Variants in CNTRL observed in about 807,000 individuals in gnomAD.
The protein encoded by CNTRL is 110 kDa centrosomal protein.
Under a neutral mutation model 303.7 loss-of-function variants are expected in CNTRL, and 233 were observed. The ratio of observed to expected loss-of-function variants is 0.77; its 90% CI spans 0.69 to 0.86. The LOEUF is 0.86. Among genes scored for constraint, CNTRL ranks in the 40% least tolerant of loss-of-function variants. The probability of loss-of-function intolerance (pLI) is 0.00; values close to 1 mark genes in which losing one functional copy is unlikely to be tolerated. For synonymous variants in CNTRL, 900 were observed against 922.2 expected (o/e 0.98, Z 0.44); for missense variants, 2,524 against 2,650.6 (o/e 0.95, Z 1.05).
At chr9:121,104,467 A>G (rs2049353118) in intron 7 of CNTRL, among the ~76,000 whole-genome samples, 1 of 152,246 alleles carries the variant, frequency 6.6e-6, no homozygotes, top group African/African-American at 2.4e-5. Flanking sequence ...TGGCACGTGT[A>G]TACATATGTA....
At chr9:121,140,363 T>C (rs1178881891) in intron 16 of CNTRL, among the ~76,000 whole-genome samples, 1 of 152,200 alleles carries the variant, frequency 6.6e-6, no homozygotes, top group African/African-American at 2.4e-5. Context: ...AAGGGCTGCC[T>C]TGGGGCAATG....
At chr9:121,148,586 C>G in intron 23 of CNTRL, 86 bp from the exon 24 acceptor site, 1 of 1,279,616 alleles carries the variant, frequency 7.8e-7, no homozygotes, top group South Asian at 1.5e-5. Context: ...CTTGCTACAT[C>G]TCAACTTTGC....
At chr9:121,134,556 A>T (rs769239640) in intron 14 of CNTRL, among the ~76,000 whole-genome samples, 1 of 152,128 alleles carries the variant, frequency 6.6e-6, no homozygotes, top group Admixed American at 6.5e-5. Context: ...TGGCCTCCCA[A>T]AGTGCTGGGA....
At chr9:121,145,476 C>G in intron 22 of CNTRL, 91 bp downstream of exon 22, 1 of 1,274,416 alleles carries the variant, frequency 7.8e-7, no homozygotes, top group Non-Finnish European at 1.1e-6. Context: ...TGTTACAAAT[C>G]AAGTCCATGC....
intron 36 of CNTRL, 134 bp from the exon 37 acceptor site, chr9:121,167,355 G>A: frequency 1.4e-6 from 1 of 712,038 alleles, no homozygotes; most frequent in East Asian, 2.8e-5. Flanking sequence ...GTACCTGTAA[G>A]TTTATTGAGA....
At chr9:121,120,116 A>AG (rs1049251282) in intron 12 of CNTRL, among the ~76,000 whole-genome samples, 7 of 148,216 alleles carry the variant, frequency 4.7e-5, no homozygotes, top group African/African-American at 7.4e-5. Context: ...CTTGAATAAT[A>AG]GGGGTTTTTT....
intron 2 of CNTRL, among the ~76,000 whole-genome samples, chr9:121,086,578 G>A (rs2048350062): frequency 6.6e-6 from 1 of 152,026 alleles, no homozygotes; most frequent in African/African-American, 2.4e-5. Context: ...AGATCATGGG[G>A]GACCACCTTG....
chr9:121,148,349 A>G (rs969837530), intron 23 of CNTRL, among the ~76,000 whole-genome samples: 10 of 152,160 alleles, frequency 6.6e-5, no homozygotes, highest in Admixed American at 1.3e-4. Flanking sequence ...GTTTGCTTTC[A>G]CCACACTTTG....
At chr9:121,128,655 A>G (rs993581368) in intron 14 of CNTRL, among the ~76,000 whole-genome samples, 3 of 151,994 alleles carry the variant, frequency 2.0e-5, no homozygotes, top group African/African-American at 2.4e-5. Context: ...ATTAGATCCC[A>G]TTTGTCTATT....
At chr9:121,150,746 GC>G in intron 25 of CNTRL, 1 of 397,530 alleles carries the variant, frequency 2.5e-6, no homozygotes, top group African/African-American at 2.0e-5. Flanking sequence ...CCCGGTAACA[GC>G]AAAAAACAAA....
Position 121,112,538 on chromosome 9 carries a change from T to C in CNTRL, c.1082T>C (p.Ile361Thr), listed in dbSNP as rs1051076890. 1.4e-5 allele frequency: 22 copies of C among 1,612,610 alleles called. No homozygotes were observed. The African/African-American group carries it at 2.4e-4, about 18-fold the overall frequency. The stretch of plus-strand genomic sequence containing the variant: ...GAACAGGAATTGGCCTTTTATAAAA[T>C]TGATGCTAAATTTGAGCCACTAAAT... ...ELEQELAFYK[I>T]DAKFEPLNYY... The change falls in exon 9 of 44, where the codon ATT becomes ACT. Residue 361 changes from isoleucine to threonine, a missense_variant. By Grantham distance (89) the Ile-to-Thr change is moderately conservative (BLOSUM62 -1). Coordinates refer to ENST00000373855, the MANE Select transcript of CNTRL (RefSeq NM_007018.6).
chr9:121,162,592 A>T (rs918106270), intron 34 of CNTRL, among the ~76,000 whole-genome samples: 3 of 152,208 alleles, frequency 2.0e-5, no homozygotes, highest in Admixed American at 2.0e-4. Flanking sequence ...TGATCTCTAG[A>T]TTCAAAACAG....
intron 7 of CNTRL, among the ~76,000 whole-genome samples, chr9:121,099,049 C>T (rs1326671106): frequency 6.6e-6 from 1 of 152,200 alleles, no homozygotes; most frequent in African/African-American, 2.4e-5. Flanking sequence ...CCCTGACTGA[C>T]AGCTTTGAAG....
intron 14 of CNTRL, among the ~76,000 whole-genome samples, chr9:121,130,452 T>C (rs1056020183): frequency 1.3e-5 from 2 of 152,264 alleles, no homozygotes; most frequent in African/African-American, 4.8e-5. Flanking sequence ...TGGTAGTTTG[T>C]ATCTCTGTGG....
At chr9:121,086,633 C>CTT (rs60828602) in intron 2 of CNTRL, among the ~76,000 whole-genome samples, 6,922 of 119,074 alleles carry the variant, frequency 0.058, 548 homozygotes, top group African/African-American at 0.17. Flanking sequence ...GCTGGATTTA[C>CTT]TTTTTTTTTT....
chr9:121,109,221 A>G (rs1005958549), intron 8 of CNTRL, among the ~76,000 whole-genome samples: 2 of 152,196 alleles, frequency 1.3e-5, no homozygotes, highest in African/African-American at 2.4e-5. Flanking sequence ...TATATTGTTT[A>G]GGAAATAATA....
chr9:121,128,897 C>A (rs1353239921), intron 14 of CNTRL, among the ~76,000 whole-genome samples: 1 of 146,682 alleles, frequency 6.8e-6, no homozygotes, highest in Non-Finnish European at 1.5e-5. Flanking sequence ...ATTAGTGATC[C>A]TTTCCCCATT....
At chr9:121,093,278 T>G (rs2048746580) in intron 4 of CNTRL, among the ~76,000 whole-genome samples, 1 of 152,144 alleles carries the variant, frequency 6.6e-6, no homozygotes, top group African/African-American at 2.4e-5. Flanking sequence ...CCATTTGATG[T>G]GGTAGAAGAT....
chr9:121,113,514 G>A lies in CNTRL; in HGVS notation c.1135G>A (p.Asp379Asn), dbSNP rs558984394. ...NYYPSEYAEI[D>N]KAPDESPYIG... ...ATTTTGCTTTTAGTATGCTGAAATT[G>A]ATAAAGCCCCAGATGAAAGCCCTTA... The change falls in exon 10 of 44, where the codon GAT (aspartate) becomes AAT (asparagine). Residue 379 changes from aspartate (D) to asparagine (N), a missense_variant. Transcript: ENST00000373855. 27 of 1,572,070 alleles carry A rather than the reference G, an allele frequency of 1.7e-5. No homozygotes were observed. In the South Asian group the frequency reaches 2.9e-4, roughly 17 times the overall value.
Sources: allele counts gnomAD v4.1 joint callset (sites outside exome capture counted in the v4.1 genomes callset), GRCh38; gene constraint gnomAD v4.1.1; transcripts MANE v1.5; gene names NCBI Gene and HGNC (gene_info 2026-07-23, HGNC 2026-07-21).